FHIT: variants seen among roughly 807,000 people sequenced by gnomAD.
The protein encoded by FHIT is fragile histidine triad diadenosine triphosphatase.
A neutral mutation model predicts 17.9 loss-of-function variants in FHIT; 19 were observed. The observed-to-expected ratio is 1.06, with a 90% CI of 0.74 to 1.56. The LOEUF (loss-of-function observed/expected upper bound fraction) is 1.56, where lower values mean the gene tolerates loss of function less well. FHIT is among the 40% of genes most tolerant of loss of function. The pLI is 0.00. For missense variants in FHIT, 248 were observed against 189.2 expected (o/e 1.31, Z -1.82); for synonymous variants, 81 against 69.7 (o/e 1.16, Z -0.81).
intron 2 of FHIT, among the ~76,000 whole-genome samples, chr3:61,195,075 C>T (rs1403054211): frequency 6.6e-6 from 1 of 151,774 alleles, no homozygotes; most frequent in Non-Finnish European, 1.5e-5. Context: ...TTCTCTTTCA[C>T]TAGGACTTTG....
chr3:60,422,775 T>C (rs1465479042), intron 5 of FHIT, among the ~76,000 whole-genome samples: 1 of 152,122 alleles, frequency 6.6e-6, no homozygotes, highest in Non-Finnish European at 1.5e-5. Flanking sequence ...GAAAATTCTA[T>C]CACAAACTCC....
chr3:60,860,969 CATGTATATATGATA>C (rs1559780867), intron 3 of FHIT, among the ~76,000 whole-genome samples: 1 of 98,716 alleles, frequency 1.0e-5, no homozygotes, highest in African/African-American at 3.7e-5. Flanking sequence ...ACGTATATAT[CATGTATATATGATA>C]CATATATACG....
chr3:60,071,357 C>T (rs1702761807), intron 5 of FHIT, among the ~76,000 whole-genome samples: 1 of 152,152 alleles, frequency 6.6e-6, no homozygotes, highest in African/African-American at 2.4e-5. Context: ...ATTTCTTTTA[C>T]TTTTTATGGT....
At chr3:60,489,372 T>G (rs1339049344) in intron 5 of FHIT, among the ~76,000 whole-genome samples, 1 of 152,186 alleles carries the variant, frequency 6.6e-6, no homozygotes, top group Non-Finnish European at 1.5e-5. Flanking sequence ...AATCCTGGCT[T>G]CCAATAATGT....
At position 59,944,265 on chromosome 3, in the gene FHIT, T is replaced by C. The variant is rs114038523; in HGVS notation, c.280-21851A>G. Reference sequence around the variant, plus strand: ...CTGACATTGGTACAATGCGTGTGTATAGTTAGTTCAATGCCATTTTATCTC... The same window carrying C: ...CTGACATTGGTACAATGCGTGTGTACAGTTAGTTCAATGCCATTTTATCTC... On this transcript the variant is annotated intron_variant, in intron 7 of 9. Transcript: ENST00000492590. Among the ~76,000 whole-genome samples the C allele has an allele frequency of 2.3e-3, 350 of 152,312 alleles. 1 individual carries two copies. The highest frequency in any genetic ancestry group is 8.1e-3 in the African/African-American group (338 of 41,572).
chr3:60,124,939 A>G (rs1349209165), intron 5 of FHIT, among the ~76,000 whole-genome samples: 3 of 152,190 alleles, frequency 2.0e-5, no homozygotes, highest in African/African-American at 7.2e-5. Context: ...GTCAAAACCC[A>G]CATATTAGAT....
At chr3:60,968,302 T>C (rs1316409949) in intron 3 of FHIT, among the ~76,000 whole-genome samples, 1 of 152,162 alleles carries the variant, frequency 6.6e-6, no homozygotes, top group Admixed American at 6.5e-5. Flanking sequence ...AAGATTATAT[T>C]AAACTGACTA....
chr3:61,018,875 T>C (rs1011560148), intron 3 of FHIT, among the ~76,000 whole-genome samples: 1 of 152,200 alleles, frequency 6.6e-6, no homozygotes, highest in Non-Finnish European at 1.5e-5. Context: ...TAGATCCTCA[T>C]TCTACTTTAA....
rs143045323 is a variant in FHIT, at chr3:60,183,679, T to G, written c.104-169527A>C. On this transcript the variant is annotated intron_variant, in intron 5 of 9. Coordinates refer to ENST00000492590, the MANE Select transcript of FHIT (RefSeq NM_002012.4). The stretch of plus-strand genomic sequence containing the variant: ...TCAATCAAGGAAACTGATTAAGTGA[T>G]GCCGACACCCTCTTGCCTCCCCAGA... 2.4e-3 allele frequency among the ~76,000 whole-genome samples: 363 copies of G among 152,264 alleles called. 2 individuals are homozygous for G. The highest frequency in any genetic ancestry group is 4.2e-3 in the Non-Finnish European group (289 of 68,018).
At chr3:59,952,590 G>A (rs555827136) in intron 7 of FHIT, among the ~76,000 whole-genome samples, 61 of 152,264 alleles carry the variant, frequency 4.0e-4, no homozygotes, top group African/African-American at 1.4e-3. Context: ...ACATCTAGAG[G>A]TGTCACTTCA....
At chr3:60,804,241 G>T (rs1052382805) in intron 4 of FHIT, among the ~76,000 whole-genome samples, 7 of 152,198 alleles carry the variant, frequency 4.6e-5, no homozygotes, top group African/African-American at 1.7e-4. Flanking sequence ...AGGGCACTGC[G>T]ATCCCCCTCA....
At chr3:60,469,665 T>C (rs2032981480) in intron 5 of FHIT, among the ~76,000 whole-genome samples, 2 of 151,908 alleles carry the variant, frequency 1.3e-5, no homozygotes, top group Non-Finnish European at 2.9e-5. Context: ...GGTGACTTAG[T>C]TTGGTGAGGT....
intron 5 of FHIT, among the ~76,000 whole-genome samples, chr3:60,281,144 T>C (rs959250376): frequency 7.6e-5 from 7 of 92,036 alleles, no homozygotes; most frequent in African/African-American, 2.9e-4. Flanking sequence ...AATCTAACAA[T>C]ATATGTACAG....
rs116158296 is a variant in FHIT at position 60,903,880 on chromosome 3, T to C, written c.-110-81869A>G. 8.5e-3 allele frequency among the ~76,000 whole-genome samples: 1,287 copies of C among 152,178 alleles called. 9 individuals carry two copies. Among genetic ancestry groups the C allele is most frequent in the Middle Eastern group, 0.034 (10 of 294 alleles). ...TCCTCTGGAGGATAAATACCCAAAA[T>C]AGTACTGTTTCCAAAGTAACCAAAA... is the stretch of plus-strand genomic sequence containing the variant. On this transcript the variant is annotated intron_variant, in intron 3 of 9. Coordinates refer to ENST00000492590, the MANE Select transcript of FHIT (RefSeq NM_002012.4).
At chr3:60,372,456 G>C (rs1700368180) in intron 5 of FHIT, among the ~76,000 whole-genome samples, 1 of 152,102 alleles carries the variant, frequency 6.6e-6, no homozygotes, top group Admixed American at 6.6e-5. Flanking sequence ...GAGTCTGTCT[G>C]CTTATCTCTA....
intron 7 of FHIT, among the ~76,000 whole-genome samples, chr3:59,975,273 G>A (rs1708359037): frequency 6.6e-6 from 1 of 152,088 alleles, no homozygotes; most frequent in African/African-American, 2.4e-5. Context: ...GCCTCAGAGT[G>A]AGATAACCTA....
At chr3:61,166,159 TTAGA>T (rs150578198) in intron 2 of FHIT, among the ~76,000 whole-genome samples, 2,341 of 152,282 alleles carry the variant, frequency 0.015, 33 homozygotes, top group Non-Finnish European at 0.021. Flanking sequence ...ATATACTAAC[TTAGA>T]TAGGTACAGA....
chr3:60,348,643 G>T (rs137979637), intron 5 of FHIT, among the ~76,000 whole-genome samples: 79 of 152,286 alleles, frequency 5.2e-4, no homozygotes, highest in African/African-American at 1.8e-3. Flanking sequence ...CACAGCTCTT[G>T]TGGCAGAGAG....
chr3:60,261,227 T>C (rs1421054951), intron 5 of FHIT, among the ~76,000 whole-genome samples: 1 of 152,094 alleles, frequency 6.6e-6, no homozygotes, highest in Non-Finnish European at 1.5e-5. Context: ...TCACTCTGAA[T>C]TCTTCCTTGC....
Sources: allele counts gnomAD v4.1 joint callset (sites outside exome capture counted in the v4.1 genomes callset), GRCh38; gene constraint gnomAD v4.1.1; transcripts MANE v1.5; gene names NCBI Gene and HGNC (gene_info 2026-07-23, HGNC 2026-07-21).